Variants in TMPRSS6 observed in about 807,000 individuals in gnomAD.
TMPRSS6 encodes the protein transmembrane protease serine 6.
A neutral mutation model predicts 101.5 loss-of-function variants in TMPRSS6; 67 were observed. The observed-to-expected ratio is 0.66, with a 90% CI of 0.54 to 0.81. TMPRSS6 has a LOEUF of 0.81. Ranked by LOEUF, TMPRSS6 falls within the 30% of genes least tolerant of loss-of-function variation. The probability of loss-of-function intolerance (pLI) is 0.00; values close to 1 mark genes in which losing one functional copy is unlikely to be tolerated. For missense variants in TMPRSS6, 1,034 were observed against 1,088.7 expected (o/e 0.95, Z 0.71); for synonymous variants, 453 against 464.9 (o/e 0.97, Z 0.33).
chr22:37,085,864 G>A (rs1309082247), intron 8 of TMPRSS6, among the ~76,000 whole-genome samples: 1 of 151,924 alleles, frequency 6.6e-6, no homozygotes, highest in Non-Finnish European at 1.5e-5. Context: ...AAACAGACCC[G>A]TGTTCCAGGC....
Position 37,075,219 on chromosome 22 carries a change from C to A in TMPRSS6, c.1258G>T (p.Gly420Trp), listed in dbSNP as rs776698678. The change falls in exon 11 of 18, where the codon GGG becomes TGG. Residue 420 changes from glycine (G) to tryptophan (W), a missense_variant. Coordinates refer to ENST00000676104, the MANE Select transcript of TMPRSS6 (RefSeq NM_001374504.1). Reference sequence around the variant, plus strand: ...TGGGAGGTGAAGTTGATGGTGATCCCGGCCGTGGCCACCACGGGGATCCTC... The same window carrying A: ...TGGGAGGTGAAGTTGATGGTGATCCAGGCCGTGGCCACCACGGGGATCCTC... ...AERIPVVATA[G>W]ITINFTSQIS... 7 of 1,613,876 alleles carry A rather than the reference C, an allele frequency of 4.3e-6. No homozygotes were observed. The highest frequency in any genetic ancestry group is 5.9e-6 in the Non-Finnish European group (7 of 1,180,018).
chr22:37,086,304 C>A lies in TMPRSS6; in HGVS notation c.952G>T (p.Val318Leu), dbSNP rs967908556. 1.2e-6 allele frequency: 2 copies of A among 1,614,002 alleles called. No individual in the cohort carries two copies. The highest frequency in any genetic ancestry group is 2.2e-5 in the East Asian group (1 of 44,878). Residue 318 changes from valine to leucine, a missense_variant, in exon 8 of 18, where the codon GTG becomes TTG. Transcript: ENST00000676104. ...HSYYDPFVLSVQPVVFQACEV... is the reference protein window; with the variant it reads ...HSYYDPFVLSLQPVVFQACEV... ...TCACCCTGGAAGACCACCGGCTGCACGGAGAGCACGAAGGGGTCGTAGTAG... is the reference window on the plus strand; with the variant it reads ...TCACCCTGGAAGACCACCGGCTGCAAGGAGAGCACGAAGGGGTCGTAGTAG...
chr22:37,094,434 C>T (rs1294428726), intron 6 of TMPRSS6, among the ~76,000 whole-genome samples: 3 of 139,794 alleles, frequency 2.1e-5, no homozygotes, highest in Non-Finnish European at 3.2e-5. Context: ...TAGATATAAA[C>T]AGACAGCTAG....
chr22:37,068,142 C>T (rs1926511880), intron 16 of TMPRSS6, among the ~76,000 whole-genome samples: 1 of 152,216 alleles, frequency 6.6e-6, no homozygotes, highest in Admixed American at 6.5e-5. Flanking sequence ...CTGTCTGTCT[C>T]CCCCGAGAAT....
Position 37,103,146 on chromosome 22 carries a change from C to T in TMPRSS6, c.202+70G>A, listed in dbSNP as rs1286541490. The stretch of plus-strand genomic sequence containing the variant: ...GGCTGAGCCTGGAACCCAGTCCTGT[C>T]CTGCTGTGCCTGCTACAGTCACCCC... On this transcript the variant is annotated intron_variant, in intron 2 of 17. Transcript: ENST00000676104. The surrounding 1 kb of genome is among the most constrained non-coding windows in gnomAD (Gnocchi z 4.4). 1.6e-5 allele frequency: 25 copies of T among 1,528,314 alleles called. No homozygotes were observed. Among genetic ancestry groups the T allele is most frequent in the Non-Finnish European group, 2.2e-5 (24 of 1,107,588 alleles). The allele number at this position is 1,528,314 out of a possible 1,614,324, so 94.7% of individuals were successfully genotyped here. A position where few individuals can be genotyped will look rare whatever the true frequency, so the allele number is the denominator to read the frequency against.
chr22:37,073,009 G>T (rs569614297), intron 13 of TMPRSS6, among the ~76,000 whole-genome samples: 1 of 146,174 alleles, frequency 6.8e-6, no homozygotes, highest in East Asian at 2.0e-4. Flanking sequence ...ATGGATGGAT[G>T]ATGGATGGAT....
rs1208663703 is a variant in TMPRSS6, at chr22:37,086,414, T to C, written c.842A>G (p.Tyr281Cys). ...CACGGGCTCCTGGCGGCTGCAGCCG[T>C]ACACCCTGGCAGAACAGAAAGGTGG... ...PLEKRLITSV[Y>C]GCSRQEPVVE... Residue 281 changes from tyrosine to cysteine, a missense_variant, in exon 8 of 18, where the codon TAC (tyrosine) becomes TGC (cysteine). Tyr to Cys is a radical substitution (Grantham distance 194). Transcript: ENST00000676104. 1.9e-6 allele frequency: 3 copies of C among 1,583,380 alleles called. No individual in the cohort carries two copies. In the African/African-American group the frequency reaches 4.1e-5, roughly 21 times the overall value.
At chr22:37,089,915 C>T in intron 6 of TMPRSS6, 133 bp from the exon 7 acceptor site, 2 of 750,966 alleles carry the variant, frequency 2.7e-6, no homozygotes, top group East Asian at 2.7e-5. Context: ...GATAGCCAGA[C>T]ATGCTCTACC....
At chr22:37,083,392 G>C (rs936822864) in intron 10 of TMPRSS6, among the ~76,000 whole-genome samples, 1 of 152,008 alleles carries the variant, frequency 6.6e-6, no homozygotes, top group Non-Finnish European at 1.5e-5. Flanking sequence ...AATATTACCT[G>C]CACCTGAGCC....
At chr22:37,078,411 G>A (rs1927859708) in intron 10 of TMPRSS6, among the ~76,000 whole-genome samples, 1 of 152,126 alleles carries the variant, frequency 6.6e-6, no homozygotes, top group South Asian at 2.1e-4. Flanking sequence ...TTTCCCCAGG[G>A]CCTCACCGTG....
chr22:37,095,407 G>A, intron 6 of TMPRSS6, 144 bp downstream of exon 6: 1 of 1,015,286 alleles, frequency 9.8e-7, no homozygotes, highest in Middle Eastern at 2.1e-4. Context: ...ACATCGCTGA[G>A]TCCACCATGG....
intron 13 of TMPRSS6, 72 bp from the exon 14 acceptor site, chr22:37,071,104 G>C: frequency 7.1e-7 from 1 of 1,405,178 alleles, no homozygotes; most frequent in South Asian, 1.2e-5. Context: ...TCCAAAGTGG[G>C]GTGCAGGAAC....
intron 4 of TMPRSS6, 135 bp from the exon 5 acceptor site, chr22:37,096,225 G>C (rs2543508): frequency 1.0e-6 from 1 of 988,654 alleles, no homozygotes; most frequent in South Asian, 1.4e-5. Context: ...GCCTCCTAGC[G>C]ACCTCTGAAG....
chr22:37,066,740 G>A (rs1367025049), intron 17 of TMPRSS6, 86 bp downstream of exon 17: 9 of 1,578,170 alleles, frequency 5.7e-6, no homozygotes, highest in Middle Eastern at 1.8e-4. Flanking sequence ...GCTTCAGCAG[G>A]CTGATGTGAG....
chr22:37,081,913 G>T (rs949966670), intron 10 of TMPRSS6, among the ~76,000 whole-genome samples: 1 of 152,224 alleles, frequency 6.6e-6, no homozygotes, highest in African/African-American at 2.4e-5. Flanking sequence ...AGCTGTCCTA[G>T]TGCCTCAAAT....
intron 3 of TMPRSS6, among the ~76,000 whole-genome samples, chr22:37,097,263 CT>C (rs1431005818): frequency 3.3e-5 from 5 of 152,376 alleles, no homozygotes; most frequent in African/African-American, 1.2e-4. Context: ...GGCTGGGTCC[CT>C]CAGAAGCAGA....
Position 37,069,456 on chromosome 22 carries a change from C to T in TMPRSS6, c.1842-112G>A. 1 of 1,047,432 alleles carries T rather than the reference C, an allele frequency of 9.5e-7. No homozygotes were observed. The highest frequency in any genetic ancestry group is 1.4e-6 in the Non-Finnish European group (1 of 725,512). 64.9% of individuals were successfully genotyped at this position (1,047,432 alleles called of 1,614,324 possible). On this transcript the variant is annotated intron_variant, in intron 15 of 17. Transcript: ENST00000676104. The surrounding 1 kb of genome is among the most constrained non-coding windows in gnomAD (Gnocchi z 4.8). The stretch of plus-strand genomic sequence containing the variant: ...AGATCCCCGCCCGGGACAGTGCCCT[C>T]CACACCCAGCCCTCCCTTCCCTCCC...
intron 1 of TMPRSS6, among the ~76,000 whole-genome samples, chr22:37,104,257 G>T (rs1041958566): frequency 2.0e-5 from 3 of 152,076 alleles, no homozygotes; most frequent in Non-Finnish European, 4.4e-5. Context: ...TTCCCAGTGT[G>T]ATTTGAATAC....
chr22:37,107,830 C>G (rs900449723), intron 1 of TMPRSS6, among the ~76,000 whole-genome samples: 5 of 152,164 alleles, frequency 3.3e-5, no homozygotes, highest in Non-Finnish European at 7.3e-5. Context: ...CTGGGCACTC[C>G]CGTCTCTCCT....
Sources: allele counts gnomAD v4.1 joint callset (sites outside exome capture counted in the v4.1 genomes callset), GRCh38; gene constraint gnomAD v4.1.1; non-coding constraint Gnocchi (gnomAD v3.1); transcripts MANE v1.5; gene names NCBI Gene and HGNC (gene_info 2026-07-23, HGNC 2026-07-21).